The following NOC3L variants were observed in gnomAD, a reference collection of about 807,000 sequenced individuals.
The protein encoded by NOC3L is nucleolar complex protein 3 homolog.
Under a neutral mutation model 102.5 loss-of-function variants are expected in NOC3L, and 85 were observed. The observed-to-expected ratio is 0.83, with a 90% CI of 0.70 to 0.99. The LOEUF is 0.99. Ranked by LOEUF, NOC3L falls within the 50% of genes least tolerant of loss-of-function variation. The pLI is 0.00. For missense variants in NOC3L, 878 were observed against 914.9 expected (o/e 0.96, Z 0.52); for synonymous variants, 303 against 309.4 (o/e 0.98, Z 0.22).
At chr10:94,356,002 G>C (rs532985084) in intron 5 of NOC3L, among the ~76,000 whole-genome samples, 5 of 152,128 alleles carry the variant, frequency 3.3e-5, no homozygotes, top group African/African-American at 9.7e-5. Context: ...TCTGCTAAGC[G>C]AAAGTAAAAT....
downstream of NOC3L, chr10:94,329,729 G>C (rs1356721547): frequency 8.3e-6 from 1 of 120,062 alleles, no homozygotes; most frequent in Admixed American, 1.2e-4. Flanking sequence ...AGTGAGCCAA[G>C]ATCGCACCAC....
At chr10:94,327,967 G>A in the NOC3L span, 1 of 532,622 alleles carries the variant, frequency 1.9e-6, no homozygotes, top group South Asian at 1.4e-5. Flanking sequence ...CAACATTACA[G>A]GTGAAGATCT....
chr10:94,361,953 A>C, intron 1 of NOC3L, 81 bp from the exon 2 acceptor site: 9 of 1,042,082 alleles, frequency 8.6e-6, no homozygotes, highest in Non-Finnish European at 1.3e-5. Flanking sequence ...TACAAATTTC[A>C]TTAGACCAAT....
intron 19 of NOC3L, among the ~76,000 whole-genome samples, chr10:94,336,424 T>G (rs1436133144): frequency 1.3e-5 from 2 of 151,996 alleles, no homozygotes; most frequent in East Asian, 3.9e-4. Flanking sequence ...CTCGACTCAC[T>G]GCAATCTCCG....
rs780678490 is a variant in NOC3L, at chr10:94,357,280, A to G, written c.402T>C (p.Tyr134=). The part of the protein sequence containing the change: ...KRKHERIIDK[Y]EKIPRTLQTA... ...TTTGCAGAGTTCTTGGTATTTTTTC[A>G]TATTTATCTATAATGCGTTCATGCT... The change falls in exon 4 of 21, where the codon TAT becomes TAC. Residue 134 remains tyrosine (Y), a synonymous_variant. Transcript: ENST00000371361. The G allele has an allele frequency of 4.4e-6, 7 of 1,606,442 alleles. No homozygotes were observed. Among genetic ancestry groups the G allele is most frequent in the African/African-American group, 2.7e-5 (2 of 74,556 alleles).
chr10:94,339,625 T>G, intron 17 of NOC3L, 114 bp downstream of exon 17: 2 of 859,342 alleles, frequency 2.3e-6, no homozygotes, highest in Non-Finnish European at 3.5e-6. Context: ...TTGTTACAAG[T>G]GTGAATTACT....
At chr10:94,318,169 G>T in the NOC3L span, among the ~76,000 whole-genome samples, 1 of 152,170 alleles carries the variant, frequency 6.6e-6, no homozygotes, top group Admixed American at 6.5e-5. Context: ...GCAAAAAAAT[G>T]TAATTGTCTC....
intron 2 of NOC3L, among the ~76,000 whole-genome samples, chr10:94,359,509 C>G (rs1348331953): frequency 6.6e-6 from 1 of 151,372 alleles, no homozygotes; most frequent in Non-Finnish European, 1.5e-5. Flanking sequence ...ACACACTGCA[C>G]AGAATGGCAC....
At chr10:94,344,631 T>C in intron 12 of NOC3L, 116 bp from the exon 13 acceptor site, 2 of 719,166 alleles carry the variant, frequency 2.8e-6, no homozygotes, top group Non-Finnish European at 2.3e-6. Flanking sequence ...CTCCCCACAA[T>C]GCAATCTTTG....
the NOC3L span, chr10:94,321,885 TTC>T: frequency 6.3e-7 from 1 of 1,599,046 alleles, no homozygotes; most frequent in Non-Finnish European, 8.6e-7. Context: ...CTCACATTTT[TTC>T]TTTTTAAACA....
chr10:94,337,303 T>C lies in NOC3L; in HGVS notation c.2189+474A>G, dbSNP rs538205237. Among the ~76,000 whole-genome samples the C allele has an allele frequency of 1.8e-4, 28 of 151,962 alleles. No homozygotes were observed. In the South Asian group the frequency reaches 5.8e-3, roughly 32 times the overall value. ...ATGGCAGTGTTCCAAAGCACCTCTT[T>C]TCTTCCCTCTCCTCATTTTTTTTTT... On this transcript the variant is annotated intron_variant, in intron 19 of 20. Coordinates refer to ENST00000371361, the MANE Select transcript of NOC3L (RefSeq NM_022451.11).
Position 94,348,753 on chromosome 10 carries a change from G to A in NOC3L, c.1257+497C>T, listed in dbSNP as rs2054378266. 2.0e-5 allele frequency among the ~76,000 whole-genome samples: 3 copies of A among 152,176 alleles called. No individual in the cohort carries two copies. The South Asian group carries it at 6.2e-4, about 32-fold the overall frequency. On this transcript the variant is annotated intron_variant, in intron 10 of 20. Coordinates refer to ENST00000371361, the MANE Select transcript of NOC3L (RefSeq NM_022451.11). ...AACAACAATTTGAGTTTGTAAATGT[G>A]ATTACTGTTGGATCCAGCATCTACA...
At position 94,338,703 on chromosome 10, in the gene NOC3L, C is replaced by T. The variant is rs1406657360; in HGVS notation, c.1996G>A (p.Glu666Lys). ...FPKTDLLLDS[E>K]SQGSGVFLPE... ...AGGAAAACTCCACTTCCCTGAGATTCACTGTCAAGCAGTAGATCTGTTTTG... is the reference window on the plus strand; with the variant it reads ...AGGAAAACTCCACTTCCCTGAGATTTACTGTCAAGCAGTAGATCTGTTTTG... Residue 666 changes from glutamate to lysine, a missense_variant, in exon 18 of 21, where the codon GAA (glutamate) becomes AAA (lysine). Physicochemically the swap from Glu to Lys is moderately conservative, Grantham distance 56. Coordinates refer to ENST00000371361, the MANE Select transcript of NOC3L (RefSeq NM_022451.11). The T allele has an allele frequency of 2.5e-6, 4 of 1,613,324 alleles. No homozygotes were observed. The highest frequency in any genetic ancestry group is 1.7e-6 in the Non-Finnish European group (2 of 1,179,560).
At chr10:94,349,039 T>C (rs1302285903) in intron 10 of NOC3L, among the ~76,000 whole-genome samples, 1 of 152,092 alleles carries the variant, frequency 6.6e-6, no homozygotes, top group East Asian at 1.9e-4. Context: ...TAAGCAAGTA[T>C]ATATGACTAT....
intron 19 of NOC3L, among the ~76,000 whole-genome samples, chr10:94,336,855 G>A (rs1180642924): frequency 6.6e-6 from 1 of 151,656 alleles, no homozygotes; most frequent in African/African-American, 2.4e-5. Flanking sequence ...GATTACCTGA[G>A]GTCAGGAGTT....
the NOC3L span, among the ~76,000 whole-genome samples, chr10:94,323,463 A>C: frequency 1.3e-5 from 2 of 152,248 alleles, no homozygotes; most frequent in East Asian, 3.9e-4. Context: ...GCCCTTATTT[A>C]TTTCTTTTGT....
chr10:94,353,208 T>C (rs2054442567), intron 6 of NOC3L, 151 bp from the exon 7 acceptor site: 4 of 626,852 alleles, frequency 6.4e-6, no homozygotes, highest in Admixed American at 6.1e-5. Flanking sequence ...CCTGCTCACT[T>C]TACCAAGAGA....
intron 2 of NOC3L, among the ~76,000 whole-genome samples, chr10:94,359,158 C>T (rs760301587): frequency 6.6e-5 from 10 of 152,162 alleles, no homozygotes; most frequent in Admixed American, 1.3e-4. Context: ...AGCGCGGTGG[C>T]TCACACCTGT....
intron 14 of NOC3L, among the ~76,000 whole-genome samples, chr10:94,341,336 G>A (rs1002560665): frequency 2.0e-5 from 3 of 151,376 alleles, no homozygotes; most frequent in African/African-American, 7.3e-5. Flanking sequence ...TAAGGTGACT[G>A]ATATCCCAAG....
Sources: allele counts gnomAD v4.1 joint callset (sites outside exome capture counted in the v4.1 genomes callset), GRCh38; gene constraint gnomAD v4.1.1; transcripts MANE v1.5; gene names NCBI Gene and HGNC (gene_info 2026-07-23, HGNC 2026-07-21).